The following AMBRA1 variants were observed in gnomAD, a reference collection of about 807,000 sequenced individuals.
The protein encoded by AMBRA1 is autophagy and beclin 1 regulator 1.
A neutral mutation model predicts 125.4 loss-of-function variants in AMBRA1; 47 were observed. The observed-to-expected ratio is 0.37, with a 90% confidence interval of 0.30 to 0.48. The LOEUF (loss-of-function observed/expected upper bound fraction) is 0.48. Among genes scored for constraint, AMBRA1 ranks in the 20% least tolerant of loss-of-function variants. The pLI, the probability that AMBRA1 is intolerant of heterozygous loss-of-function variation, is 0.99. For missense variants in AMBRA1, 1,331 were observed against 1,693.4 expected (o/e 0.79, Z 3.76); for synonymous variants, 626 against 655.5 (o/e 0.95, Z 0.69).
At chr11:46,573,031 G>A (rs1449078149) in intron 1 of AMBRA1, among the ~76,000 whole-genome samples, 2 of 151,248 alleles carry the variant, frequency 1.3e-5, no homozygotes, top group Non-Finnish European at 2.9e-5. Context: ...AACCTGGGAG[G>A]TGGAGGTTGG....
chr11:46,528,160 C>T (rs1230019817), intron 7 of AMBRA1, among the ~76,000 whole-genome samples: 4 of 152,088 alleles, frequency 2.6e-5, no homozygotes, highest in Non-Finnish European at 5.9e-5. Context: ...ATACATACAA[C>T]TTTTTCTTTT....
chr11:46,542,372 G>C lies in AMBRA1; in HGVS notation c.1645C>G (p.Pro549Ala). The stretch of plus-strand genomic sequence containing the variant: ...TTGTTCTCACTGCTGTGTGGGGTGG[G>C]CTGGTGGGAAGGGCCTGGCCTCTCA... ...ESERPGPSHQ[P>A]TPHSSENNSN... Residue 549 changes from proline (P) to alanine (A), a missense_variant, in exon 7 of 18, where the codon CCC becomes GCC. Coordinates refer to ENST00000683756, the MANE Select transcript of AMBRA1 (RefSeq NM_001387011.1). The surrounding 1 kb of genome is among the most constrained non-coding windows in gnomAD (Gnocchi z 5.9). 2 of 1,614,102 alleles carry C rather than the reference G, an allele frequency of 1.2e-6. No individual in the cohort carries two copies. The highest frequency in any genetic ancestry group is 2.7e-5 in the African/African-American group (2 of 75,030).
At chr11:46,568,925 G>C (rs1004473214) in intron 1 of AMBRA1, among the ~76,000 whole-genome samples, 12 of 146,794 alleles carry the variant, frequency 8.2e-5, no homozygotes, top group African/African-American at 3.0e-4. Flanking sequence ...TCCTGCCTCA[G>C]TCTCCCAAGT....
intron 1 of AMBRA1, among the ~76,000 whole-genome samples, chr11:46,576,246 G>C (rs12273343): frequency 0.043 from 6,554 of 152,242 alleles, 474 homozygotes; most frequent in African/African-American, 0.15. Flanking sequence ...ATTGATTACT[G>C]CTTTGTGAGA....
At chr11:46,526,452 T>C (rs1370337348) in intron 7 of AMBRA1, among the ~76,000 whole-genome samples, 1 of 151,308 alleles carries the variant, frequency 6.6e-6, no homozygotes, top group African/African-American at 2.4e-5. Context: ...TCCTTCCTTT[T>C]AGAACTGTCA....
At chr11:46,484,070 T>C (rs1332117915) in intron 11 of AMBRA1, among the ~76,000 whole-genome samples, 1 of 152,202 alleles carries the variant, frequency 6.6e-6, no homozygotes, top group African/African-American at 2.4e-5. Context: ...ATAGGGCTAT[T>C]GAGGTGAGTC....
Position 46,399,718 on chromosome 11 carries a change from C to T in AMBRA1, c.3404-1775G>A, listed in dbSNP as rs561994760. On this transcript the variant is annotated intron_variant, in intron 17 of 17. Transcript: ENST00000683756. ...GAAGGGCTGTTTCCTTCTCTTCTTT[C>T]CCTTTACCCCCCAGTCTTCACAAGC... 2.0e-5 allele frequency among the ~76,000 whole-genome samples: 3 copies of T among 152,298 alleles called. No individual in the cohort carries two copies. In the South Asian group the frequency reaches 6.2e-4, roughly 32 times the overall value.
At position 46,509,881 on chromosome 11, in the gene AMBRA1, AATTG is replaced by A. The variant is rs763485268; in HGVS notation, c.2160-1515_2160-1512del. The stretch of plus-strand genomic sequence containing the variant: ...GGTTTTTTAATGGAAATCAGAAAAA[AATTG>A]ATTAAGAACAGAAACAGGAATAGTT... On this transcript the variant is annotated intron_variant, in intron 8 of 17. Coordinates refer to ENST00000683756, the MANE Select transcript of AMBRA1 (RefSeq NM_001387011.1). 1.8e-4 allele frequency among the ~76,000 whole-genome samples: 27 copies of A among 152,282 alleles called. No individual in the cohort carries two copies. In the East Asian group the frequency reaches 2.9e-3, roughly 16 times the overall value.
At chr11:46,409,387 G>A (rs1430919980) in intron 16 of AMBRA1, among the ~76,000 whole-genome samples, 2 of 152,072 alleles carry the variant, frequency 1.3e-5, no homozygotes, top group Admixed American at 6.5e-5. Context: ...TTTTAGTAGA[G>A]AGGGGTTTCA....
chr11:46,530,395 A>G (rs868412880), intron 7 of AMBRA1, among the ~76,000 whole-genome samples: 3 of 152,212 alleles, frequency 2.0e-5, no homozygotes, highest in African/African-American at 4.8e-5. Context: ...TGCCAAGCAT[A>G]CTGCCTGGAG....
intron 1 of AMBRA1, among the ~76,000 whole-genome samples, chr11:46,568,803 CTTTTTT>C (rs774631588): frequency 2.1e-5 from 2 of 96,466 alleles, no homozygotes; most frequent in South Asian, 3.7e-4. Flanking sequence ...TCAACCCTAC[CTTTTTT>C]TTTTTTTTTT....
intron 11 of AMBRA1, among the ~76,000 whole-genome samples, chr11:46,480,346 T>C (rs886713961): frequency 2.6e-5 from 4 of 152,180 alleles, no homozygotes; most frequent in Non-Finnish European, 4.4e-5. Context: ...AAGCTATTAA[T>C]TGACCACAGA....
chr11:46,494,564 T>C (rs1950569475), intron 9 of AMBRA1: 1 of 169,990 alleles, frequency 5.9e-6, no homozygotes, highest in Non-Finnish European at 1.3e-5. Context: ...TGGGGGGTTG[T>C]CTTACATTAT....
intron 7 of AMBRA1, among the ~76,000 whole-genome samples, chr11:46,524,479 C>CAA: frequency 6.6e-6 from 1 of 152,198 alleles, no homozygotes; most frequent in Non-Finnish European, 1.5e-5. Context: ...CAAGAAAACT[C>CAA]TGAGTAACTA....
chr11:46,410,688 G>A (rs1049177759), intron 15 of AMBRA1, among the ~76,000 whole-genome samples: 1 of 152,256 alleles, frequency 6.6e-6, no homozygotes, highest in Admixed American at 6.5e-5. Context: ...AGTGGGTCCT[G>A]AGTATTCTTC....
Position 46,585,695 on chromosome 11 carries a change from AATATATATATATATATAT to A in AMBRA1, c.-121+8115_-121+8132del, listed in dbSNP as rs1555017409. ...AAAAAAAAAAAAAAAAAAAAAAAAA[AATATATATATATATATAT>A]ATATATATATTCCTAGCTTCCCAAA... On this transcript the variant is annotated intron_variant, in intron 1 of 17. Coordinates refer to ENST00000683756, the MANE Select transcript of AMBRA1 (RefSeq NM_001387011.1). 4.4e-4 allele frequency among the ~76,000 whole-genome samples: 10 copies of A among 22,912 alleles called. 1 individual carries two copies. The highest frequency in any genetic ancestry group is 7.3e-4 in the Admixed American group (1 of 1,368). The allele number at this position is 22,912 out of a possible 152,430, so 15.0% of individuals were successfully genotyped here.
At chr11:46,539,551 C>T (rs1447632704) in intron 7 of AMBRA1, among the ~76,000 whole-genome samples, 3 of 152,012 alleles carry the variant, frequency 2.0e-5, no homozygotes, top group Non-Finnish European at 4.4e-5. Flanking sequence ...GAGCGAAACT[C>T]CATCTCAAAA....
In AMBRA1 at chr11:46,548,477, C is replaced by CTT; in HGVS notation, c.-99_-98dup. The CTT allele has an allele frequency of 1.4e-6, 2 of 1,460,426 alleles. No homozygotes were observed. Among genetic ancestry groups the CTT allele is most frequent in the Non-Finnish European group, 1.8e-6 (2 of 1,084,578 alleles). The allele number at this position is 1,460,426 out of a possible 1,614,324, so 90.5% of individuals were successfully genotyped here. A position where few individuals can be genotyped will look rare whatever the true frequency, so the allele number is the denominator to read the frequency against. On this transcript the variant is annotated 5_prime_UTR_variant, in exon 2 of 18. It introduces an in-frame stop codon into an upstream open reading frame of the 5' UTR. Transcript: ENST00000683756. ...CAGCTAAAATGAGGCCATACAGGTC[C>CTT]TTGTAAGTTGTCCTCATGGAAATCT...
intron 17 of AMBRA1, among the ~76,000 whole-genome samples, 175 bp downstream of exon 17, chr11:46,408,338 C>T (rs555730132): frequency 1.3e-5 from 2 of 152,238 alleles, no homozygotes; most frequent in African/African-American, 4.8e-5. Context: ...GGAGTTGAGG[C>T]GAGCTGCAAG....
Sources: allele counts gnomAD v4.1 joint callset (sites outside exome capture counted in the v4.1 genomes callset), GRCh38; gene constraint gnomAD v4.1.1; non-coding constraint Gnocchi (gnomAD v3.1); transcripts MANE v1.5; gene names NCBI Gene and HGNC (gene_info 2026-07-23, HGNC 2026-07-21).